CD22: variants seen among roughly 807,000 people sequenced by gnomAD.
CD22 encodes the protein B-cell receptor CD22.
In CD22, 51 loss-of-function variants were observed where a neutral mutation model predicts 94.7. That is an observed-to-expected ratio of 0.54 (90% CI 0.43 to 0.68). The LOEUF is 0.68. Among genes scored for constraint, CD22 ranks in the 30% least tolerant of loss-of-function variants. CD22 has a pLI of 0.00. For synonymous variants in CD22, 424 were observed against 422.5 expected, an observed-to-expected ratio of 1.00 and a Z score of -0.04; for missense variants, 931 against 1,060.4, an observed-to-expected ratio of 0.88 and a Z score of 1.69.
chr19:35,340,746 C>T (rs2239512), intron 6 of CD22, 135 bp from the exon 7 acceptor site: 116,095 of 917,580 alleles, frequency 0.13, 7,976 homozygotes, highest in East Asian at 0.21. Context: ...GCAGGAAGGA[C>T]GCACAAGCCC....
chr19:35,341,370 A>T lies in CD22; in HGVS notation c.1535A>T (p.Lys512Ile), dbSNP rs748259266. 1.1e-5 allele frequency: 18 copies of T among 1,613,662 alleles called. No individual in the cohort carries two copies. The highest frequency in any genetic ancestry group is 1.5e-5 in the Non-Finnish European group (18 of 1,179,932). The change falls in exon 8 of 14, where the codon AAA (lysine) becomes ATA (isoleucine). Residue 512 changes from lysine to isoleucine, a missense_variant. Transcript: ENST00000085219. This position sits in a 1 kb window ranked among gnomAD's most constrained non-coding sequence, Gnocchi z 4.0. ...QYAPRDVRVRKIKPLSEIHSG... is the reference protein window; with the variant it reads ...QYAPRDVRVRIIKPLSEIHSG... ...GCCCCCCGAGACGTGAGGGTCCGGA[A>T]AATCAAGCCCCTTTCCGAGATTCAC...
At position 35,341,988 on chromosome 19, in the gene CD22, T is replaced by C; in HGVS notation, c.2035+23T>C. 6.3e-7 allele frequency: 1 copy of C among 1,588,550 alleles called. No individual in the cohort carries two copies. The highest frequency in any genetic ancestry group is 2.2e-5 in the East Asian group (1 of 44,534). Reference sequence around the variant, plus strand: ...ACTGTAAGGCCTCTTCCTGCTCTTGTTCTTCTTGGTGGTGGTCAGTCCTTC... The same window carrying C: ...ACTGTAAGGCCTCTTCCTGCTCTTGCTCTTCTTGGTGGTGGTCAGTCCTTC... On this transcript the variant is annotated intron_variant, in intron 9 of 13. Transcript: ENST00000085219. The surrounding 1 kb of genome is among the most constrained non-coding windows in gnomAD (Gnocchi z 4.0).
chr19:35,329,999 T>C (rs1831483391), intron 1 of CD22: 2 of 152,136 alleles, frequency 1.3e-5, no homozygotes, highest in African/African-American at 4.8e-5. Flanking sequence ...TAGATAGAGT[T>C]TACTGAAAGG....
intron 3 of CD22, among the ~76,000 whole-genome samples, chr19:35,334,754 C>G (rs917669155): frequency 6.6e-6 from 1 of 152,112 alleles, no homozygotes; most frequent in African/African-American, 2.4e-5. Context: ...CTGAAAAGTC[C>G]GTGAACTAAA....
In CD22 at chr19:35,334,498, G is replaced by A. The variant is rs141531925; in HGVS notation, c.413-1538G>A. 2.0e-4 allele frequency among the ~76,000 whole-genome samples: 31 copies of A among 152,346 alleles called. No individual in the cohort carries two copies. The East Asian group carries it at 5.8e-3, about 28-fold the overall frequency. On this transcript the variant is annotated intron_variant, in intron 3 of 13. Transcript: ENST00000085219. ...TGGCTTTGACCCATCAAACACAGGT[G>A]TGGGGGGCCCCTGCCACAGGGAGTG...
intron 4 of CD22, 175 bp downstream of exon 4, chr19:35,336,516 C>T (rs2066726890): frequency 6.5e-6 from 4 of 612,800 alleles, no homozygotes; most frequent in East Asian, 2.8e-5. Flanking sequence ...TTGCTCTAGC[C>T]TAACAGAATA....
rs759287411 is a variant in CD22 at position 35,341,316 on chromosome 19, G to T, written c.1508-27G>T. 6.2e-7 allele frequency: 1 copy of T among 1,609,702 alleles called. No homozygotes were observed. The highest frequency in any genetic ancestry group is 2.2e-5 in the East Asian group (1 of 44,790). ...CAGCAAAAGGGACAGGGAGCGGAGA[G>T]GTCAGCTTGGGACCCTTGCCCTCCA... On this transcript the variant is annotated intron_variant, in intron 7 of 13. Transcript: ENST00000085219. The surrounding 1 kb of genome is among the most constrained non-coding windows in gnomAD (Gnocchi z 4.0).
At chr19:35,338,607 G>C (rs1304660027) in intron 6 of CD22, among the ~76,000 whole-genome samples, 176 bp downstream of exon 6, 2 of 151,930 alleles carry the variant, frequency 1.3e-5, no homozygotes, top group Non-Finnish European at 2.9e-5. Flanking sequence ...CATGGAGGGT[G>C]CTTGGTAGAT....
rs1041870536 is a variant in CD22, at chr19:35,336,403, G to A, written c.718+62G>A. The A allele has an allele frequency of 4.0e-5, 61 of 1,523,756 alleles. No homozygotes were observed. The Admixed American group carries it at 6.2e-4, about 16-fold the overall frequency. 94.4% of individuals were successfully genotyped at this position (1,523,756 alleles called of 1,614,324 possible). On this transcript the variant is annotated intron_variant, in intron 4 of 13. Coordinates refer to ENST00000085219, the MANE Select transcript of CD22 (RefSeq NM_001771.4). ...TCTGTGTCACCTTCTCCCCAGCCCC[G>A]CAGGGGGCATGCACCCAGGGCAGGG...
chr19:35,332,078 A>C lies in CD22; in HGVS notation c.34+4A>C. The C allele has an allele frequency of 6.2e-7, 1 of 1,613,934 alleles. No individual in the cohort carries two copies. Among genetic ancestry groups the C allele is most frequent in the Non-Finnish European group, 8.5e-7 (1 of 1,179,900 alleles). ...GGCCCCTGGCTCCTGCTCCTGGGTA[A>C]GGACTGTGGCCTGGGCTAGTACTGG... is the stretch of plus-strand genomic sequence containing the variant. On this transcript the variant is annotated splice_donor_region_variant and intron_variant, in intron 2 of 13. Transcript: ENST00000085219.
rs377540923 is a variant in CD22 at position 35,346,554 on chromosome 19, C to T, written c.2413-12C>T. ...CAGTGGGGCCAGGCTAACCACCATG[C>T]GGTTTTCTCAGGGCGACTATGAGAA... On this transcript the variant is annotated splice_polypyrimidine_tract_variant and intron_variant, in intron 13 of 13. Coordinates refer to ENST00000085219, the MANE Select transcript of CD22 (RefSeq NM_001771.4). 17 of 1,593,550 alleles carry T rather than the reference C, an allele frequency of 1.1e-5. No individual in the cohort carries two copies. Among genetic ancestry groups the T allele is most frequent in the African/African-American group, 8.0e-5 (6 of 74,610 alleles).
rs772271133 is a variant in CD22, at chr19:35,346,679, T to C, written c.2526T>C (p.Tyr842=). 4.3e-6 allele frequency: 7 copies of C among 1,610,148 alleles called. No individual in the cohort carries two copies. The South Asian group carries it at 5.5e-5, about 13-fold the overall frequency. ...ERPQAQENVD[Y]VILKH The stretch of plus-strand genomic sequence containing the variant: ...CTCAGGCACAAGAAAATGTGGACTA[T>C]GTGATCCTCAAACATTGACACTGGA... Residue 842 remains tyrosine (Y), a synonymous_variant, in exon 14 of 14, where the codon TAT becomes TAC. Coordinates refer to ENST00000085219, the MANE Select transcript of CD22 (RefSeq NM_001771.4).
intron 11 of CD22, 157 bp from the exon 12 acceptor site, chr19:35,345,445 A>AAT: frequency 1.9e-6 from 1 of 515,934 alleles, no homozygotes; most frequent in Non-Finnish European, 3.4e-6. Context: ...AAAAAAAAAA[A>AAT]GGGTAGGCAT....
In CD22 at chr19:35,345,089, A is replaced by T; in HGVS notation, c.2171A>T (p.Asn724Ile). Residue 724 changes from asparagine (N) to isoleucine (I), a missense_variant, in exon 11 of 14, where the codon AAT becomes ATT. Coordinates refer to ENST00000085219, the MANE Select transcript of CD22 (RefSeq NM_001771.4). The part of the protein sequence containing the change: ...RTQSQQGLQE[N>I]SSGQSFFVRN... Reference sequence around the variant, plus strand: ...CAGAGCCAGCAGGGGCTTCAGGAGAATTCCAGCGGCCAGAGCTTCTTTGTG... The same window carrying T: ...CAGAGCCAGCAGGGGCTTCAGGAGATTTCCAGCGGCCAGAGCTTCTTTGTG... The T allele has an allele frequency of 6.2e-7, 1 of 1,614,082 alleles. No individual in the cohort carries two copies. Among genetic ancestry groups the T allele is most frequent in the Non-Finnish European group, 8.5e-7 (1 of 1,180,004 alleles).
chr19:35,342,641 GTC>G (rs57554883), intron 9 of CD22, among the ~76,000 whole-genome samples: 6 of 152,110 alleles, frequency 3.9e-5, no homozygotes, highest in African/African-American at 1.4e-4. Context: ...TGCGTCACCA[GTC>G]TCTCTTTTTC....
intron 9 of CD22, 99 bp downstream of exon 9, chr19:35,342,064 C>CCTT: frequency 1.1e-6 from 1 of 942,166 alleles, no homozygotes; most frequent in Non-Finnish European, 1.5e-6. Context: ...CTTTCTTTCT[C>CCTT]TCTTTCTTTT....
At chr19:35,340,351 C>T (rs945622606) in intron 6 of CD22, among the ~76,000 whole-genome samples, 7 of 152,238 alleles carry the variant, frequency 4.6e-5, no homozygotes, top group Admixed American at 2.0e-4. Context: ...GGCTTGATCT[C>T]GGCTCACTGC....
intron 6 of CD22, among the ~76,000 whole-genome samples, 167 bp from the exon 7 acceptor site, chr19:35,340,714 G>A (rs937645460): frequency 3.3e-5 from 5 of 152,248 alleles, no homozygotes; most frequent in Non-Finnish European, 5.9e-5. Flanking sequence ...AGCCAGGGCA[G>A]GGTTTCTGTT....
At chr19:35,343,279 T>A (rs980386189) in intron 9 of CD22, among the ~76,000 whole-genome samples, 3 of 151,914 alleles carry the variant, frequency 2.0e-5, no homozygotes, top group Admixed American at 1.3e-4. Flanking sequence ...GGTAAAAAAA[T>A]AAAATGTAAG....
Sources: gnomAD v4.1 joint callset for allele counts (sites outside exome capture counted in the v4.1 genomes callset) on GRCh38, gnomAD v4.1.1 for gene constraint, Gnocchi (gnomAD v3.1) non-coding constraint, MANE v1.5 for transcripts, NCBI Gene and HGNC (gene_info 2026-07-23, HGNC 2026-07-21) for gene names.